SYN3: variants seen among roughly 807,000 people sequenced by gnomAD.
The protein encoded by SYN3 is synapsin III.
Under a neutral mutation model 65.8 loss-of-function variants are expected in SYN3, and 35 were observed. The ratio of observed to expected loss-of-function variants is 0.53; its 90% CI spans 0.41 to 0.70. The LOEUF is 0.70. SYN3 is among the 30% of genes least tolerant of loss of function. The pLI is 0.00. For missense variants in SYN3, 680 were observed against 749.0 expected, an observed-to-expected ratio of 0.91 and a Z score of 1.08; for synonymous variants, 270 against 292.9, an observed-to-expected ratio of 0.92 and a Z score of 0.80.
At chr22:32,818,244 C>T (rs1169892802) in intron 6 of SYN3, among the ~76,000 whole-genome samples, 5 of 152,174 alleles carry the variant, frequency 3.3e-5, no homozygotes, top group South Asian at 4.1e-4. Context: ...CAGGATTTGA[C>T]GTGGGATGCC....
At chr22:32,688,410 C>T (rs866411782) in intron 6 of SYN3, among the ~76,000 whole-genome samples, 130 of 152,208 alleles carry the variant, frequency 8.5e-4, no homozygotes, top group African/African-American at 3.1e-3. Context: ...AAGTCTTGCC[C>T]GAGGTGGGAA....
intron 4 of SYN3, among the ~76,000 whole-genome samples, chr22:32,879,597 T>C (rs1481275628): frequency 1.3e-5 from 2 of 152,234 alleles, no homozygotes; most frequent in African/African-American, 2.4e-5. Context: ...TCTGCCCTCA[T>C]GGCTAATCAC....
intron 1 of SYN3, among the ~76,000 whole-genome samples, chr22:33,039,556 G>A (rs188795275): frequency 4.0e-5 from 6 of 151,870 alleles, no homozygotes; most frequent in Admixed American, 6.6e-5. Flanking sequence ...CACCACATCC[G>A]GCTAATTTTT....
At chr22:32,942,839 G>A (rs1452083735) in intron 3 of SYN3, among the ~76,000 whole-genome samples, 1 of 152,170 alleles carries the variant, frequency 6.6e-6, no homozygotes, top group Non-Finnish European at 1.5e-5. Flanking sequence ...GGAAGAAAGG[G>A]TATCATTGAT....
At chr22:32,922,585 C>T (rs948328755) in intron 4 of SYN3, among the ~76,000 whole-genome samples, 4 of 152,044 alleles carry the variant, frequency 2.6e-5, no homozygotes, top group South Asian at 2.1e-4. Flanking sequence ...ATCAGGGCAT[C>T]GTCTCTCTGC....
intron 4 of SYN3, among the ~76,000 whole-genome samples, chr22:32,905,465 C>T (rs538230717): frequency 6.6e-6 from 1 of 152,290 alleles, no homozygotes; most frequent in South Asian, 2.1e-4. Context: ...ACCTTGGTTG[C>T]CACCCTCCAC....
intron 4 of SYN3, among the ~76,000 whole-genome samples, chr22:32,898,051 A>G (rs1443228940): frequency 6.6e-6 from 1 of 152,104 alleles, no homozygotes; most frequent in Non-Finnish European, 1.5e-5. Context: ...GCTGGAGTGC[A>G]ATGGTGCAAT....
At chr22:32,713,695 G>C (rs1016253682) in intron 6 of SYN3, among the ~76,000 whole-genome samples, 9 of 152,092 alleles carry the variant, frequency 5.9e-5, no homozygotes, top group Non-Finnish European at 7.4e-5. Flanking sequence ...GCTGGGCATG[G>C]TGGTGGGCGC....
chr22:32,904,007 T>C (rs2049834806), intron 4 of SYN3, among the ~76,000 whole-genome samples: 1 of 152,242 alleles, frequency 6.6e-6, no homozygotes, highest in South Asian at 2.1e-4. Context: ...CACCTGTATT[T>C]ACTGCCTCAG....
intron 6 of SYN3, among the ~76,000 whole-genome samples, chr22:32,690,648 G>A (rs1393178946): frequency 1.3e-5 from 2 of 152,188 alleles, no homozygotes; most frequent in African/African-American, 2.4e-5. Context: ...GATATCAGGA[G>A]GTGGTAGTGG....
chr22:32,636,589 T>C (rs1429235643), intron 6 of SYN3, among the ~76,000 whole-genome samples: 1 of 152,154 alleles, frequency 6.6e-6, no homozygotes, highest in African/African-American at 2.4e-5. Flanking sequence ...GGCTCAGTAA[T>C]GGTGACCTTG....
At chr22:32,813,360 C>A (rs2046964008) in intron 6 of SYN3, among the ~76,000 whole-genome samples, 1 of 152,048 alleles carries the variant, frequency 6.6e-6, no homozygotes, top group Admixed American at 6.5e-5. Context: ...AGTCCAGGTC[C>A]CTTCTGGAGG....
intron 4 of SYN3, among the ~76,000 whole-genome samples, chr22:32,908,430 A>C (rs2049962755): frequency 6.4e-5 from 8 of 125,860 alleles, no homozygotes; most frequent in South Asian, 2.5e-4. Context: ...TCTCTGTATC[A>C]CCCAGGCTGG....
intron 4 of SYN3, among the ~76,000 whole-genome samples, chr22:32,927,416 T>TG (rs1448528165): frequency 1.3e-5 from 2 of 150,830 alleles, no homozygotes; most frequent in Admixed American, 1.3e-4. Flanking sequence ...TTTCTGCTAT[T>TG]TTTTTGTATT....
At chr22:32,513,975 G>A in intron 13 of SYN3, 151 bp from the exon 14 acceptor site, 1 of 991,760 alleles carries the variant, frequency 1.0e-6, no homozygotes, top group East Asian at 2.6e-5. Flanking sequence ...CTTACATGAT[G>A]TCAGGTACAT....
intron 6 of SYN3, among the ~76,000 whole-genome samples, chr22:32,766,047 T>G (rs1469660149): frequency 6.6e-6 from 1 of 152,182 alleles, no homozygotes; most frequent in Non-Finnish European, 1.5e-5. Context: ...ATTTGTTTGG[T>G]TTTTGTTTCT....
At chr22:32,889,271 ATAAT>A (rs922170025) in intron 4 of SYN3, among the ~76,000 whole-genome samples, 92 of 152,212 alleles carry the variant, frequency 6.0e-4, no homozygotes, top group African/African-American at 2.1e-3. Flanking sequence ...TGCCCCAACT[ATAAT>A]TACTCACCTT....
chr22:32,588,101 A>G (rs2059076534), intron 7 of SYN3, among the ~76,000 whole-genome samples: 1 of 147,986 alleles, frequency 6.8e-6, no homozygotes, highest in South Asian at 2.2e-4. Context: ...GCTCTACAGA[A>G]CACTGGCTTT....
chr22:33,041,443 C>T (rs372428005), intron 1 of SYN3, among the ~76,000 whole-genome samples: 26 of 151,974 alleles, frequency 1.7e-4, no homozygotes, highest in East Asian at 7.8e-4. Context: ...GCTGGGTGCC[C>T]GCCACCACAC....
Sources: allele counts gnomAD v4.1 joint callset (sites outside exome capture counted in the v4.1 genomes callset), GRCh38; gene constraint gnomAD v4.1.1; transcripts MANE v1.5; gene names NCBI Gene and HGNC (gene_info 2026-07-23, HGNC 2026-07-21).